CALN1: variants seen among roughly 807,000 people sequenced by gnomAD.
CALN1 encodes the protein calcium-binding protein 8.
A neutral mutation model predicts 30.6 loss-of-function variants in CALN1; 17 were observed. The observed-to-expected ratio is 0.56, with a 90% CI of 0.38 to 0.83. The LOEUF is 0.83. Among genes scored for constraint, CALN1 ranks in the 40% least tolerant of loss-of-function variants. The probability of loss-of-function intolerance (pLI) is 0.00; values close to 1 mark genes in which losing one functional copy is unlikely to be tolerated. For missense variants in CALN1, 291 were observed against 354.9 expected (o/e 0.82, Z 1.45); for synonymous variants, 156 against 131.4 (o/e 1.19, Z -1.28).
At chr7:72,243,509 C>CT (rs1295164382) in intron 3 of CALN1, among the ~76,000 whole-genome samples, 1 of 152,108 alleles carries the variant, frequency 6.6e-6, no homozygotes, top group African/African-American at 2.4e-5. Context: ...CAAACCTTAG[C>CT]TGCATCCGGG....
chr7:72,268,287 C>T (rs1324484186), intron 3 of CALN1, among the ~76,000 whole-genome samples: 1 of 151,850 alleles, frequency 6.6e-6, no homozygotes, highest in Non-Finnish European at 1.5e-5. Flanking sequence ...GAGCTCAAGG[C>T]AGCAGGGGAT....
chr7:72,011,966 C>G (rs1800107433), intron 5 of CALN1, among the ~76,000 whole-genome samples: 1 of 152,254 alleles, frequency 6.6e-6, no homozygotes, highest in East Asian at 1.9e-4. Context: ...AATTCTGCAC[C>G]TTCCTGGGCG....
At chr7:72,070,087 T>C (rs1466849480) in intron 4 of CALN1, among the ~76,000 whole-genome samples, 1 of 152,176 alleles carries the variant, frequency 6.6e-6, no homozygotes, top group Non-Finnish European at 1.5e-5. Context: ...TTCTCTATTC[T>C]ACCTAATATT....
chr7:71,996,373 T>C (rs1799253074), intron 5 of CALN1, among the ~76,000 whole-genome samples: 1 of 152,138 alleles, frequency 6.6e-6, no homozygotes, highest in Admixed American at 6.5e-5. Context: ...ATTGAAATCA[T>C]CCACAAAGGA....
At chr7:72,448,959 C>T (rs1395568232), upstream of CALN1, among the ~76,000 whole-genome samples, 2 of 151,998 alleles carry the variant, frequency 1.3e-5, no homozygotes, top group African/African-American at 4.8e-5. Context: ...TAAATCCAGC[C>T]AATTGGTGCT....
the CALN1 span, among the ~76,000 whole-genome samples, chr7:72,496,749 G>A: frequency 6.6e-6 from 1 of 152,194 alleles, no homozygotes; most frequent in Non-Finnish European, 1.5e-5. Context: ...GTGTGCACCT[G>A]TAGTCCCTGT....
At chr7:72,041,860 T>G (rs1220577597) in intron 4 of CALN1, among the ~76,000 whole-genome samples, 1 of 152,210 alleles carries the variant, frequency 6.6e-6, no homozygotes, top group East Asian at 1.9e-4. Context: ...GGCCTCTCCT[T>G]CTTTGCCTGC....
At chr7:72,252,654 G>C (rs1795641780) in intron 3 of CALN1, among the ~76,000 whole-genome samples, 1 of 151,400 alleles carries the variant, frequency 6.6e-6, no homozygotes, top group Non-Finnish European at 1.5e-5. Context: ...GGGAGGGACG[G>C]AGATCCAGAA....
At chr7:71,843,765 T>C (rs1337998891) in intron 5 of CALN1, among the ~76,000 whole-genome samples, 2 of 152,196 alleles carry the variant, frequency 1.3e-5, no homozygotes, top group Non-Finnish European at 2.9e-5. Flanking sequence ...ATTATGCTCA[T>C]GGGCACGCAT....
intron 2 of CALN1, among the ~76,000 whole-genome samples, chr7:72,368,137 GTATCTA>G (rs1803984604): frequency 6.6e-6 from 1 of 150,938 alleles, no homozygotes; most frequent in Admixed American, 6.6e-5. Flanking sequence ...ATACATATCT[GTATCTA>G]TATCTATGTG....
At chr7:72,185,355 C>CA (rs961751370) in intron 3 of CALN1, among the ~76,000 whole-genome samples, 2 of 152,072 alleles carry the variant, frequency 1.3e-5, no homozygotes, top group African/African-American at 2.4e-5. Context: ...GAGCTTATAA[C>CA]AAACAGGTAG....
chr7:72,176,521 C>T, intron 3 of CALN1, among the ~76,000 whole-genome samples: 1 of 152,020 alleles, frequency 6.6e-6, no homozygotes, highest in Non-Finnish European at 1.5e-5. Context: ...TCTGTGGCAC[C>T]TCCTCCTTCT....
chr7:72,042,020 A>G (rs1344177959), intron 4 of CALN1, among the ~76,000 whole-genome samples: 1 of 152,210 alleles, frequency 6.6e-6, no homozygotes, highest in Non-Finnish European at 1.5e-5. Flanking sequence ...CATGAGAACA[A>G]ACTAATACAG....
chr7:71,954,392 G>A (rs977094749), intron 5 of CALN1, among the ~76,000 whole-genome samples: 41 of 152,214 alleles, frequency 2.7e-4, no homozygotes, highest in African/African-American at 9.9e-4. Context: ...CCAGGGAGAT[G>A]GAGGTTGCAG....
At chr7:71,873,541 A>C in intron 5 of CALN1, among the ~76,000 whole-genome samples, 1 of 152,230 alleles carries the variant, frequency 6.6e-6, no homozygotes, top group East Asian at 1.9e-4. Context: ...TTCTTCTCAA[A>C]AGCGTAGTGC....
chr7:71,816,325 T>C lies in CALN1; in HGVS notation c.502-5833A>G, dbSNP rs145051831. ...ACGATCCTAGACAGGAATTTTGACA[T>C]ACACTCAGAGAAAACTCATGGGACC... On this transcript the variant is annotated intron_variant, in intron 5 of 6. Transcript: ENST00000395275. Among the ~76,000 whole-genome samples the C allele has an allele frequency of 7.9e-5, 12 of 152,248 alleles. No individual in the cohort carries two copies. In the East Asian group the frequency reaches 2.3e-3, roughly 29 times the overall value.
In CALN1 at chr7:71,836,751, G is replaced by A. The variant is rs368429020; in HGVS notation, c.502-26259C>T. On this transcript the variant is annotated intron_variant, in intron 5 of 6. Coordinates refer to ENST00000395275, the MANE Select transcript of CALN1 (RefSeq NM_031468.4). Reference sequence around the variant, plus strand: ...TTGTGCCTCAGCCTCCTGATTAGCTGGGCTTACAGGCACCCAACACCACGT... The same window carrying A: ...TTGTGCCTCAGCCTCCTGATTAGCTAGGCTTACAGGCACCCAACACCACGT... 1.1e-3 allele frequency among the ~76,000 whole-genome samples: 171 copies of A among 151,304 alleles called. 1 individual carries two copies. The highest frequency in any genetic ancestry group is 3.9e-3 in the African/African-American group (163 of 41,336).
At chr7:71,925,311 A>T (rs564676721) in intron 5 of CALN1, among the ~76,000 whole-genome samples, 9 of 148,854 alleles carry the variant, frequency 6.0e-5, no homozygotes, top group African/African-American at 2.2e-4. Flanking sequence ...AGAAAGAAGA[A>T]AGATTGATTT....
rs374813042 is a variant in CALN1, at chr7:72,032,722, CCTCT to C, written c.389-8957_389-8954del. ...GTCAAAACAGATGCTCCTTAAATCGCCTCTTTGTCTGCAGTCAGGATCTTAGTAA... is the reference window on the plus strand; with the variant it reads ...GTCAAAACAGATGCTCCTTAAATCGCTTGTCTGCAGTCAGGATCTTAGTAA... On this transcript the variant is annotated intron_variant, in intron 4 of 6. Coordinates refer to ENST00000395275, the MANE Select transcript of CALN1 (RefSeq NM_031468.4). Among the ~76,000 whole-genome samples the C allele has an allele frequency of 2.2e-3, 339 of 152,304 alleles. 1 individual carries two copies. Among genetic ancestry groups the C allele is most frequent in the African/African-American group, 7.7e-3 (321 of 41,564 alleles).
Sources: allele counts gnomAD v4.1 joint callset (sites outside exome capture counted in the v4.1 genomes callset), GRCh38; gene constraint gnomAD v4.1.1; transcripts MANE v1.5; gene names NCBI Gene and HGNC (gene_info 2026-07-23, HGNC 2026-07-21).